The following MAML3 variants were observed in gnomAD, a reference collection of about 807,000 sequenced individuals.
MAML3 encodes the protein mastermind like transcriptional coactivator 3, also known as mastermind-like protein 3.
Under a neutral mutation model 101.9 loss-of-function variants are expected in MAML3, and 27 were observed. That is an observed-to-expected ratio of 0.27 (90% confidence interval 0.20 to 0.37). MAML3 has a LOEUF of 0.37. MAML3 is among the 10% of genes least tolerant of loss of function. The probability of loss-of-function intolerance (pLI) is 1.00; values close to 1 mark genes in which losing one functional copy is unlikely to be tolerated. For missense variants in MAML3, 1,316 were observed against 1,444.9 expected (o/e 0.91, Z 1.45); for synonymous variants, 501 against 555.9 (o/e 0.90, Z 1.39).
At chr4:139,942,323 A>C (rs1733623934) in intron 1 of MAML3, among the ~76,000 whole-genome samples, 1 of 152,164 alleles carries the variant, frequency 6.6e-6, no homozygotes, top group South Asian at 2.1e-4. Context: ...GTCCATGCCC[A>C]CTTACAGCGT....
At chr4:140,146,538 A>G (rs1729068529) in intron 1 of MAML3, among the ~76,000 whole-genome samples, 1 of 152,174 alleles carries the variant, frequency 6.6e-6, no homozygotes, top group Non-Finnish European at 1.5e-5. Flanking sequence ...TAAATTAATC[A>G]GTTCTTGGTG....
chr4:139,914,904 C>A (rs751273419), intron 1 of MAML3, among the ~76,000 whole-genome samples: 1 of 152,294 alleles, frequency 6.6e-6, no homozygotes, highest in Middle Eastern at 3.4e-3. Flanking sequence ...AACCCAATTT[C>A]CACATGTTTT....
At chr4:139,779,727 G>A (rs1264482806) in intron 2 of MAML3, among the ~76,000 whole-genome samples, 3 of 152,212 alleles carry the variant, frequency 2.0e-5, no homozygotes, top group African/African-American at 4.8e-5. Context: ...TGTCACTTTG[G>A]TGATTTCATT....
At chr4:139,825,396 G>A (rs538701185) in intron 2 of MAML3, among the ~76,000 whole-genome samples, 3 of 152,298 alleles carry the variant, frequency 2.0e-5, no homozygotes, top group Admixed American at 6.5e-5. Flanking sequence ...CTACTTGATA[G>A]AGCAGAGTGC....
At chr4:139,783,808 CA>C (rs529185756) in intron 2 of MAML3, among the ~76,000 whole-genome samples, 441 of 152,328 alleles carry the variant, frequency 2.9e-3, no homozygotes, top group Non-Finnish European at 4.5e-3. Context: ...CCCTCCCAGT[CA>C]GCGATTGGCC....
chr4:139,888,555 A>G, intron 2 of MAML3: 1 of 519,014 alleles, frequency 1.9e-6, no homozygotes, highest in South Asian at 1.4e-5. Context: ...GGATGAAGAG[A>G]CTGAAAAGCT....
At chr4:140,037,185 T>G (rs1187627693) in intron 1 of MAML3, among the ~76,000 whole-genome samples, 1 of 149,508 alleles carries the variant, frequency 6.7e-6, no homozygotes, top group Non-Finnish European at 1.5e-5. Flanking sequence ...CCAGAAAACC[T>G]GAAGCTCAAG....
intron 2 of MAML3, among the ~76,000 whole-genome samples, chr4:139,877,878 T>A (rs1315916544): frequency 6.6e-6 from 1 of 152,240 alleles, no homozygotes; most frequent in Non-Finnish European, 1.5e-5. Flanking sequence ...TTTCAGAAAC[T>A]ATTATACCAT....
At position 139,821,064 on chromosome 4, in the gene MAML3, G is replaced by A. The variant is rs114707755; in HGVS notation, c.2079+68293C>T. Among the ~76,000 whole-genome samples the A allele has an allele frequency of 4.7e-3, 723 of 152,278 alleles. 3 individuals are homozygous for A. The highest frequency in any genetic ancestry group is 0.017 in the African/African-American group (693 of 41,554). ...GAGAAAAACCATTGCCAAATTGATC[G>A]GAAGCAGTAACTTCTATTATCTAAG... On this transcript the variant is annotated intron_variant, in intron 2 of 4. Coordinates refer to ENST00000509479, the MANE Select transcript of MAML3 (RefSeq NM_018717.5).
At position 139,730,513 on chromosome 4, in the gene MAML3, TC is replaced by T; in HGVS notation, c.2233del (p.Asp745IlefsTer6). 1 of 1,559,544 alleles carries T rather than the reference TC, an allele frequency of 6.4e-7. No individual in the cohort carries two copies. The highest frequency in any genetic ancestry group is 8.7e-7 in the Non-Finnish European group (1 of 1,151,728). On this transcript the variant is annotated frameshift_variant, in exon 3 of 5. Transcript: ENST00000509479. LOFTEE classifies it high-confidence loss of function. ...QAAIMKQMLI[D>X]QRAQLIEQQK... is the part of the protein sequence containing the mutation. ...CTGCTCTATCAACTGGGCCCGCTGATCAATGAGCATCTGCTTCATGATGGCT... is the reference window on the plus strand; with the variant it reads ...CTGCTCTATCAACTGGGCCCGCTGATAATGAGCATCTGCTTCATGATGGCT...
At chr4:139,997,632 C>T (rs1022847025) in intron 1 of MAML3, among the ~76,000 whole-genome samples, 1 of 151,896 alleles carries the variant, frequency 6.6e-6, no homozygotes, top group Non-Finnish European at 1.5e-5. Flanking sequence ...CACATATTTG[C>T]CATTTTCAGT....
intron 2 of MAML3, among the ~76,000 whole-genome samples, chr4:139,848,897 G>GA (rs1391705954): frequency 1.3e-5 from 2 of 152,184 alleles, no homozygotes; most frequent in Non-Finnish European, 2.9e-5. Flanking sequence ...CTTTGGCCAT[G>GA]ATTTTGGGCT....
intron 1 of MAML3, among the ~76,000 whole-genome samples, chr4:139,954,965 T>C (rs1169234831): frequency 2.6e-5 from 4 of 152,108 alleles, no homozygotes; most frequent in Non-Finnish European, 5.9e-5. Flanking sequence ...ATGATAATAA[T>C]AATGGGAAAG....
chr4:139,991,888 T>TA (rs914860930), intron 1 of MAML3, among the ~76,000 whole-genome samples: 3 of 150,706 alleles, frequency 2.0e-5, no homozygotes, highest in South Asian at 2.1e-4. Flanking sequence ...AGTATATAAT[T>TA]AAAAAAAAAA....
intron 1 of MAML3, among the ~76,000 whole-genome samples, chr4:140,030,509 C>G (rs777394613): frequency 5.9e-5 from 9 of 152,202 alleles, no homozygotes; most frequent in Non-Finnish European, 8.8e-5. Flanking sequence ...AGCATGCCAT[C>G]CTCACCTCCA....
intron 1 of MAML3, among the ~76,000 whole-genome samples, chr4:139,914,965 T>C (rs1298460142): frequency 2.6e-5 from 4 of 151,262 alleles, no homozygotes; most frequent in Non-Finnish European, 4.4e-5. Context: ...GGTTTTTTTT[T>C]CTCTGATGTG....
intron 1 of MAML3, among the ~76,000 whole-genome samples, chr4:140,031,534 T>G (rs539898257): frequency 6.6e-6 from 1 of 152,204 alleles, no homozygotes; most frequent in Non-Finnish European, 1.5e-5. Context: ...TCTCCTTCAC[T>G]GAAATTTTGC....
chr4:139,931,941 C>G lies in MAML3; in HGVS notation c.469-40974G>C, dbSNP rs1256990608. 2.6e-5 allele frequency among the ~76,000 whole-genome samples: 4 copies of G among 151,962 alleles called. No homozygotes were observed. In the East Asian group the frequency reaches 7.7e-4, roughly 29 times the overall value. ...GGCTGAGGGAGGAGAATTGCTTGAACCTGGGAGGCGGAGGTTGCAGTGAGC... is the reference window on the plus strand; with the variant it reads ...GGCTGAGGGAGGAGAATTGCTTGAAGCTGGGAGGCGGAGGTTGCAGTGAGC... On this transcript the variant is annotated intron_variant, in intron 1 of 4. Transcript: ENST00000509479.
At chr4:139,914,367 G>C (rs1732989096) in intron 1 of MAML3, among the ~76,000 whole-genome samples, 2 of 152,138 alleles carry the variant, frequency 1.3e-5, no homozygotes, top group Non-Finnish European at 2.9e-5. Context: ...CTGCCTGGTA[G>C]AGCTCACAAC....
Sources: allele counts gnomAD v4.1 joint callset (sites outside exome capture counted in the v4.1 genomes callset), GRCh38; gene constraint gnomAD v4.1.1; transcripts MANE v1.5; gene names NCBI Gene and HGNC (gene_info 2026-07-23, HGNC 2026-07-21).